The following SHISA9 variants were observed in gnomAD, a reference collection of about 807,000 sequenced individuals.
SHISA9 encodes protein shisa-9.
Under a neutral mutation model 38.0 loss-of-function variants are expected in SHISA9, and 13 were observed. That is an observed-to-expected ratio of 0.34 (90% CI 0.22 to 0.54). The LOEUF (loss-of-function observed/expected upper bound fraction) is 0.54, where lower values mean the gene tolerates loss of function less well. Ranked by LOEUF, SHISA9 falls within the 20% of genes least tolerant of loss-of-function variation. The probability of loss-of-function intolerance (pLI) is 0.91; values close to 1 mark genes in which losing one functional copy is unlikely to be tolerated. For synonymous variants in SHISA9, 275 were observed against 242.0 expected, an observed-to-expected ratio of 1.14 and a Z score of -1.27; for missense variants, 538 against 575.8, an observed-to-expected ratio of 0.93 and a Z score of 0.67.
chr16:12,921,783 A>G (rs996020588), intron 2 of SHISA9, among the ~76,000 whole-genome samples: 1 of 152,118 alleles, frequency 6.6e-6, no homozygotes, highest in Non-Finnish European at 1.5e-5. Flanking sequence ...AAAAATTAAA[A>G]ATTTTGAGGG....
At chr16:12,944,440 T>C (rs1018147973) in intron 2 of SHISA9, among the ~76,000 whole-genome samples, 1 of 152,212 alleles carries the variant, frequency 6.6e-6, no homozygotes, top group Non-Finnish European at 1.5e-5. Context: ...ATGATGATTG[T>C]TTCTTCCTGG....
the SHISA9 span, among the ~76,000 whole-genome samples, chr16:13,469,346 G>GA: frequency 7.6e-4 from 84 of 110,920 alleles, no homozygotes; most frequent in South Asian, 1.5e-3. Context: ...AAGAAAGAAA[G>GA]AAAGAAAGAA....
the SHISA9 span, among the ~76,000 whole-genome samples, chr16:13,442,977 G>C: frequency 6.6e-6 from 1 of 152,064 alleles, no homozygotes; most frequent in African/African-American, 2.4e-5. Context: ...GCAGCTGACT[G>C]TTTCCTACTC....
chr16:13,550,975 T>A, the SHISA9 span, among the ~76,000 whole-genome samples: 3 of 152,046 alleles, frequency 2.0e-5, no homozygotes, highest in African/African-American at 4.8e-5. Context: ...TACAAAAAAT[T>A]AGCCGGGCAT....
chr16:13,128,590 C>G (rs1245628289), intron 2 of SHISA9, among the ~76,000 whole-genome samples: 1 of 152,112 alleles, frequency 6.6e-6, no homozygotes, highest in African/African-American at 2.4e-5. Flanking sequence ...TACCACAGTG[C>G]CAGACAGCTG....
At chr16:13,436,241 G>T in the SHISA9 span, among the ~76,000 whole-genome samples, 1 of 152,104 alleles carries the variant, frequency 6.6e-6, no homozygotes, top group African/African-American at 2.4e-5. Flanking sequence ...AGTAAAAAAG[G>T]GTGTCGTAAA....
At chr16:12,947,237 G>C (rs1016381577) in intron 2 of SHISA9, among the ~76,000 whole-genome samples, 10 of 152,154 alleles carry the variant, frequency 6.6e-5, no homozygotes, top group African/African-American at 2.4e-4. Flanking sequence ...CTGGAAAAAG[G>C]TATATGACTG....
intron 2 of SHISA9, among the ~76,000 whole-genome samples, chr16:13,058,063 G>A (rs2073330773): frequency 1.3e-5 from 2 of 152,162 alleles, no homozygotes; most frequent in Admixed American, 6.5e-5. Flanking sequence ...CCTCAGAAAT[G>A]GATGGAGAGC....
the SHISA9 span, among the ~76,000 whole-genome samples, chr16:13,526,828 G>C: frequency 2.6e-5 from 4 of 152,208 alleles, no homozygotes; most frequent in Non-Finnish European, 5.9e-5. Context: ...CTAAACGTAA[G>C]TATTTTTAGA....
the SHISA9 span, among the ~76,000 whole-genome samples, chr16:13,268,936 A>G: frequency 6.6e-6 from 1 of 152,194 alleles, no homozygotes; most frequent in African/African-American, 2.4e-5. Context: ...ATGTGTGGCA[A>G]ACAGATGTAG....
At chr16:12,920,401 A>G (rs1306939232) in intron 2 of SHISA9, among the ~76,000 whole-genome samples, 1 of 152,250 alleles carries the variant, frequency 6.6e-6, no homozygotes, top group East Asian at 1.9e-4. Flanking sequence ...GATAGTACCC[A>G]GAAAAATGAA....
chr16:13,134,440 C>T (rs183744530), intron 2 of SHISA9, among the ~76,000 whole-genome samples: 1 of 151,786 alleles, frequency 6.6e-6, no homozygotes, highest in Non-Finnish European at 1.5e-5. Flanking sequence ...TCTTCCCAGG[C>T]CAATGGGGGA....
At chr16:12,922,935 C>A (rs2071345981) in intron 2 of SHISA9, among the ~76,000 whole-genome samples, 1 of 152,182 alleles carries the variant, frequency 6.6e-6, no homozygotes, top group Non-Finnish European at 1.5e-5. Context: ...ATTGTCACAA[C>A]TGTACCGCCC....
At chr16:13,447,717 C>T in the SHISA9 span, among the ~76,000 whole-genome samples, 6 of 152,316 alleles carry the variant, frequency 3.9e-5, no homozygotes, top group South Asian at 2.1e-4. Context: ...TAATGAGACT[C>T]GGAGACCATC....
At chr16:13,209,674 C>T (rs143950269) in intron 3 of SHISA9, among the ~76,000 whole-genome samples, 2,050 of 152,232 alleles carry the variant, frequency 0.013, 43 homozygotes, top group African/African-American at 0.047. Flanking sequence ...TGTTATAGAC[C>T]GAGCCAAAAA....
chr16:13,481,458 G>A, the SHISA9 span, among the ~76,000 whole-genome samples: 9 of 152,314 alleles, frequency 5.9e-5, no homozygotes, highest in Admixed American at 2.0e-4. Flanking sequence ...AACTTTAGCA[G>A]TGATGGTGTC....
At chr16:13,133,277 C>A (rs1035043357) in intron 2 of SHISA9, among the ~76,000 whole-genome samples, 2 of 152,106 alleles carry the variant, frequency 1.3e-5, no homozygotes, top group Non-Finnish European at 2.9e-5. Context: ...AAATTCCTAG[C>A]CTCTCTCATG....
At chr16:13,189,706 A>G (rs1475954641) in intron 2 of SHISA9, among the ~76,000 whole-genome samples, 1 of 152,236 alleles carries the variant, frequency 6.6e-6, no homozygotes, top group Non-Finnish European at 1.5e-5. Context: ...AGTTTGGGGA[A>G]AACATAAAGG....
At chr16:13,299,843 C>T in the SHISA9 span, among the ~76,000 whole-genome samples, 2 of 152,302 alleles carry the variant, frequency 1.3e-5, no homozygotes, top group East Asian at 1.9e-4. Context: ...TGTGCATGGG[C>T]ACCTCTTTTA....
Sources: allele counts gnomAD v4.1 joint callset (sites outside exome capture counted in the v4.1 genomes callset), GRCh38; gene constraint gnomAD v4.1.1; transcripts MANE v1.5; gene names NCBI Gene and HGNC (gene_info 2026-07-23, HGNC 2026-07-21).